Variants in UGT1A8 observed in about 807,000 individuals in gnomAD.
UGT1A8 encodes the protein UDP glucuronosyltransferase family 1 member A8.
A neutral mutation model predicts 45.3 loss-of-function variants in UGT1A8; 39 were observed. The ratio of observed to expected loss-of-function variants is 0.86; its 90% CI spans 0.67 to 1.12. The LOEUF (loss-of-function observed/expected upper bound fraction) is 1.12, where lower values mean the gene tolerates loss of function less well. Among genes scored for constraint, UGT1A8 ranks in the 50% most tolerant of loss-of-function variants. The pLI is 0.00. For missense variants in UGT1A8, 719 were observed against 664.9 expected, an observed-to-expected ratio of 1.08 and a Z score of -0.90; for synonymous variants, 275 against 249.2, an observed-to-expected ratio of 1.10 and a Z score of -0.97.
chr2:233,685,959 A>G (rs1156258661), intron 1 of UGT1A8, among the ~76,000 whole-genome samples: 2 of 152,198 alleles, frequency 1.3e-5, no homozygotes, highest in Non-Finnish European at 2.9e-5. Flanking sequence ...TATGTAGATC[A>G]ATGGAATAGA....
chr2:233,697,556 A>T, intron 1 of UGT1A8, among the ~76,000 whole-genome samples: 1 of 140,582 alleles, frequency 7.1e-6, no homozygotes, highest in African/African-American at 2.7e-5. Context: ...TTGTTTATTT[A>T]GCCTCAATTT....
chr2:233,675,246 C>T (rs1022851436), intron 1 of UGT1A8, among the ~76,000 whole-genome samples: 2 of 152,150 alleles, frequency 1.3e-5, no homozygotes, highest in African/African-American at 2.4e-5. Flanking sequence ...TTGGAGGGGA[C>T]AAACTTCTAA....
At chr2:233,758,413 A>G (rs578024460) in intron 1 of UGT1A8, among the ~76,000 whole-genome samples, 1 of 152,136 alleles carries the variant, frequency 6.6e-6, no homozygotes, top group African/African-American at 2.4e-5. Context: ...ACTGTCTATA[A>G]TCTGCAAATG....
Position 233,754,866 on chromosome 2 carries a change from C to G in UGT1A8, c.856-12168C>G, listed in dbSNP as rs1321579990. 5 of 1,351,528 alleles carry G rather than the reference C, an allele frequency of 3.7e-6. No homozygotes were observed. In the South Asian group the frequency reaches 5.7e-5, roughly 15 times the overall value. 83.7% of individuals were successfully genotyped at this position (1,351,528 alleles called of 1,614,324 possible). On this transcript the variant is annotated intron_variant, in intron 1 of 4. Transcript: ENST00000373450. ...GGCAGAGAAAAGGGGTGCAGACCCT[C>G]TGCTTCTGCTTCCCAGGGAGTTCCT...
At chr2:233,755,074 C>A in intron 1 of UGT1A8, 1 of 1,336,598 alleles carries the variant, frequency 7.5e-7, no homozygotes, top group Non-Finnish European at 1.0e-6. Flanking sequence ...CCATAGCGGT[C>A]ATAGATATCG....
chr2:233,744,039 G>T, intron 1 of UGT1A8: 2 of 770,652 alleles, frequency 2.6e-6, no homozygotes, highest in Non-Finnish European at 3.6e-6. Context: ...TTATGACGCA[G>T]CCACATCTCA....
intron 1 of UGT1A8, among the ~76,000 whole-genome samples, chr2:233,711,145 T>A (rs1293113032): frequency 1.3e-5 from 2 of 152,232 alleles, no homozygotes; most frequent in Non-Finnish European, 2.9e-5. Flanking sequence ...TGCCTTGGGC[T>A]GCTCCTCCTA....
chr2:233,771,951 C>G (rs1331596370), intron 4 of UGT1A8, among the ~76,000 whole-genome samples: 6 of 152,070 alleles, frequency 3.9e-5, no homozygotes, highest in Admixed American at 2.0e-4. Context: ...CTTGTTTCTA[C>G]AAAAAATTTA....
At chr2:233,659,182 G>A (rs1314790866) in intron 1 of UGT1A8, among the ~76,000 whole-genome samples, 2 of 152,110 alleles carry the variant, frequency 1.3e-5, no homozygotes, top group African/African-American at 2.4e-5. Context: ...GATGTTAAGT[G>A]GTATTTTCAT....
At chr2:233,696,118 A>G (rs919527983) in intron 1 of UGT1A8, among the ~76,000 whole-genome samples, 1 of 152,248 alleles carries the variant, frequency 6.6e-6, no homozygotes, top group African/African-American at 2.4e-5. Context: ...AAAAAGAACT[A>G]GAACTGCCCC....
intron 1 of UGT1A8, among the ~76,000 whole-genome samples, chr2:233,619,516 G>T (rs1293629821): frequency 6.6e-6 from 1 of 151,992 alleles, no homozygotes; most frequent in Non-Finnish European, 1.5e-5. Flanking sequence ...GCATCTTTTT[G>T]CTATTATATC....
In UGT1A8 at chr2:233,757,558, ATATG is replaced by A. The variant is rs1023713263; in HGVS notation, c.856-9472_856-9469del. Among the ~76,000 whole-genome samples, 45 of 124,442 alleles carry A rather than the reference ATATG, an allele frequency of 3.6e-4. 2 individuals are homozygous for A. The highest frequency in any genetic ancestry group is 1.4e-3 in the African/African-American group (42 of 30,270). 81.6% of individuals were successfully genotyped at this position (124,442 alleles called of 152,430 possible). On this transcript the variant is annotated intron_variant, in intron 1 of 4. Coordinates refer to ENST00000373450, the MANE Select transcript of UGT1A8 (RefSeq NM_019076.5). ...GGAATATATATATATATATATATAT[ATATG>A]TATATATGATATAGCTATAGTCTAA...
chr2:233,743,876 G>A (rs1382161508), intron 1 of UGT1A8: 2 of 1,367,016 alleles, frequency 1.5e-6, no homozygotes. Flanking sequence ...CTCGGATGAG[G>A]CCTGCCGGGG....
At chr2:233,767,959 A>G in intron 3 of UGT1A8, 23 bp downstream of exon 3, 1 of 1,614,218 alleles carries the variant, frequency 6.2e-7, no homozygotes, top group Non-Finnish European at 8.5e-7. Flanking sequence ...GATTGGATGT[A>G]TAGGTCAAAC....
At chr2:233,716,361 T>C (rs527757463) in intron 1 of UGT1A8, among the ~76,000 whole-genome samples, 4 of 152,352 alleles carry the variant, frequency 2.6e-5, no homozygotes, top group Admixed American at 2.0e-4. Flanking sequence ...AGATACTTTG[T>C]GGGGCTGTGA....
intron 1 of UGT1A8, chr2:233,729,462 A>G: frequency 2.5e-6 from 4 of 1,614,130 alleles, no homozygotes; most frequent in Non-Finnish European, 3.4e-6. Flanking sequence ...AATTTTTCAG[A>G]AGTATGGCAA....
chr2:233,709,581 A>G (rs981094993), intron 1 of UGT1A8, among the ~76,000 whole-genome samples: 1 of 152,230 alleles, frequency 6.6e-6, no homozygotes, highest in East Asian at 1.9e-4. Flanking sequence ...TTCAAAAAAT[A>G]TACCAGGATG....
At chr2:233,622,187 AC>A (rs1305473518) in intron 1 of UGT1A8, among the ~76,000 whole-genome samples, 4 of 152,170 alleles carry the variant, frequency 2.6e-5, no homozygotes, top group African/African-American at 7.2e-5. Flanking sequence ...GCTGCAATAA[AC>A]ATACGTGTGC....
At chr2:233,706,387 C>A (rs1481848778) in intron 1 of UGT1A8, among the ~76,000 whole-genome samples, 1 of 152,196 alleles carries the variant, frequency 6.6e-6, no homozygotes, top group Non-Finnish European at 1.5e-5. Flanking sequence ...AAGCAGAGGC[C>A]AAGTACATTT....
Sources: allele counts gnomAD v4.1 joint callset (sites outside exome capture counted in the v4.1 genomes callset), GRCh38; gene constraint gnomAD v4.1.1; transcripts MANE v1.5; gene names NCBI Gene and HGNC (gene_info 2026-07-23, HGNC 2026-07-21).